IMMP2L: variants seen among roughly 807,000 people sequenced by gnomAD.
IMMP2L encodes the protein inner mitochondrial membrane peptidase subunit 2.
IMMP2L carries 18 observed loss-of-function variants against 19.3 expected under a neutral mutation model. The observed-to-expected ratio is 0.93, with a 90% CI of 0.64 to 1.38. The LOEUF is 1.38. Among genes scored for constraint, IMMP2L ranks in the 40% most tolerant of loss-of-function variants. The probability of loss-of-function intolerance (pLI) is 0.00; values close to 1 mark genes in which losing one functional copy is unlikely to be tolerated. For missense variants in IMMP2L, 233 were observed against 218.2 expected (o/e 1.07, Z -0.43); for synonymous variants, 76 against 73.0 (o/e 1.04, Z -0.21).
intron 5 of IMMP2L, among the ~76,000 whole-genome samples, chr7:110,671,712 A>T (rs1279034740): frequency 6.6e-6 from 1 of 151,760 alleles, no homozygotes; most frequent in Non-Finnish European, 1.5e-5. Context: ...TAGTCTACCT[A>T]ACACTCTTTC....
At chr7:111,078,326 C>T (rs1389399893) in intron 3 of IMMP2L, among the ~76,000 whole-genome samples, 1 of 152,170 alleles carries the variant, frequency 6.6e-6, no homozygotes, top group African/African-American at 2.4e-5. Context: ...TTCAGGAAAG[C>T]AATCTGTATA....
intron 5 of IMMP2L, among the ~76,000 whole-genome samples, chr7:110,868,546 C>A (rs932282979): frequency 2.6e-5 from 4 of 152,022 alleles, no homozygotes; most frequent in African/African-American, 9.7e-5. Context: ...CTAATCTAGA[C>A]ATTCATTAAA....
chr7:110,808,786 C>A (rs1314107366), intron 5 of IMMP2L, among the ~76,000 whole-genome samples: 1 of 151,966 alleles, frequency 6.6e-6, no homozygotes, highest in Non-Finnish European at 1.5e-5. Flanking sequence ...AACATAGAGA[C>A]GTGAAAACTG....
intron 3 of IMMP2L, among the ~76,000 whole-genome samples, chr7:111,320,678 T>C (rs1824590949): frequency 6.6e-6 from 1 of 152,000 alleles, no homozygotes; most frequent in Non-Finnish European, 1.5e-5. Context: ...TCATATTCTC[T>C]CAGTACTAGG....
At chr7:111,352,367 C>CTTT (rs748454509) in intron 3 of IMMP2L, among the ~76,000 whole-genome samples, 2 of 130,838 alleles carry the variant, frequency 1.5e-5, no homozygotes, top group Non-Finnish European at 3.2e-5. Flanking sequence ...GCACAACTAA[C>CTTT]TTTTTTTTTT....
intron 5 of IMMP2L, among the ~76,000 whole-genome samples, chr7:110,701,129 T>C (rs2130635371): frequency 6.6e-6 from 1 of 152,296 alleles, no homozygotes; most frequent in Non-Finnish European, 1.5e-5. Context: ...GAATAGGCCA[T>C]TCTGAAATGA....
chr7:111,361,891 G>T (rs976663920), intron 3 of IMMP2L, among the ~76,000 whole-genome samples: 1 of 151,864 alleles, frequency 6.6e-6, no homozygotes, highest in African/African-American at 2.4e-5. Flanking sequence ...GTTCTAAAAA[G>T]GAAGCTCTAA....
rs1804243515 is a variant in IMMP2L, at chr7:111,152,980, GT to G, written c.240-189416del. On this transcript the variant is annotated intron_variant, in intron 3 of 5. Transcript: ENST00000405709. ...TATCAAGACTCAATGTAATATTTTT[GT>G]TGATTTTTCTGGTTAAATATAAATG... is the stretch of plus-strand genomic sequence containing the variant. Among the ~76,000 whole-genome samples the G allele has an allele frequency of 3.9e-5, 6 of 151,962 alleles. No individual in the cohort carries two copies. In the South Asian group the frequency reaches 1.2e-3, roughly 31 times the overall value.
chr7:111,277,498 G>C (rs1819205929), intron 3 of IMMP2L, among the ~76,000 whole-genome samples: 1 of 151,708 alleles, frequency 6.6e-6, no homozygotes, highest in Non-Finnish European at 1.5e-5. Flanking sequence ...CCAAGAGGCG[G>C]AGGTTGCAGT....
chr7:110,937,864 G>C (rs982003437), intron 4 of IMMP2L, among the ~76,000 whole-genome samples: 8 of 152,140 alleles, frequency 5.3e-5, no homozygotes, highest in African/African-American at 1.9e-4. Context: ...TGTTAAGAAG[G>C]ATGCATACAA....
intron 3 of IMMP2L, among the ~76,000 whole-genome samples, chr7:111,158,412 T>C (rs1477380407): frequency 3.3e-5 from 5 of 152,132 alleles, no homozygotes; most frequent in Admixed American, 6.6e-5. Flanking sequence ...TAATCCATTA[T>C]AGCACTTGCA....
chr7:111,466,035 G>A (rs1306141635), intron 3 of IMMP2L, among the ~76,000 whole-genome samples: 2 of 152,122 alleles, frequency 1.3e-5, no homozygotes, highest in Non-Finnish European at 2.9e-5. Context: ...GGACATGGAT[G>A]AAGCTGGAAA....
chr7:111,103,522 G>A (rs1215952638), intron 3 of IMMP2L, among the ~76,000 whole-genome samples: 3 of 151,644 alleles, frequency 2.0e-5, no homozygotes, highest in East Asian at 3.9e-4. Context: ...GAAAAATATC[G>A]ATTAGGCAAG....
chr7:111,114,478 CTG>C (rs1799610765), intron 3 of IMMP2L, among the ~76,000 whole-genome samples: 1 of 152,046 alleles, frequency 6.6e-6, no homozygotes, highest in Admixed American at 6.6e-5. Context: ...TGACCCACAC[CTG>C]TAATCCCAGC....
chr7:111,405,376 C>T (rs1030557713), intron 3 of IMMP2L, among the ~76,000 whole-genome samples: 1 of 151,820 alleles, frequency 6.6e-6, no homozygotes, highest in African/African-American at 2.4e-5. Flanking sequence ...AATAACCCCA[C>T]ACATTATAGT....
chr7:110,863,187 A>T (rs894777747), intron 5 of IMMP2L, among the ~76,000 whole-genome samples: 2 of 151,994 alleles, frequency 1.3e-5, no homozygotes, highest in Non-Finnish European at 2.9e-5. Context: ...CAACCTCCAA[A>T]TCTCAGGGGT....
chr7:111,297,885 T>C (rs1214532535), intron 3 of IMMP2L, among the ~76,000 whole-genome samples: 1 of 152,036 alleles, frequency 6.6e-6, no homozygotes, highest in Admixed American at 6.6e-5. Flanking sequence ...AAAAGATCAG[T>C]GATTTCATGC....
intron 3 of IMMP2L, among the ~76,000 whole-genome samples, chr7:111,004,291 C>T (rs752709082): frequency 6.6e-6 from 1 of 152,142 alleles, no homozygotes; most frequent in African/African-American, 2.4e-5. Context: ...GATCCTCCCC[C>T]GCTCAGCCTC....
chr7:111,353,991 G>T (rs1028323072), intron 3 of IMMP2L, among the ~76,000 whole-genome samples: 1 of 151,962 alleles, frequency 6.6e-6, no homozygotes, highest in African/African-American at 2.4e-5. Context: ...ATGGTATAAG[G>T]AGACATATAA....
Sources: allele counts gnomAD v4.1 joint callset (sites outside exome capture counted in the v4.1 genomes callset), GRCh38; gene constraint gnomAD v4.1.1; transcripts MANE v1.5; gene names NCBI Gene and HGNC (gene_info 2026-07-23, HGNC 2026-07-21).